PDK1: variants seen among roughly 807,000 people sequenced by gnomAD.
The protein encoded by PDK1 is pyruvate dehydrogenase kinase 1.
In PDK1, 39 loss-of-function variants were observed where a neutral mutation model predicts 54.2. The observed-to-expected ratio is 0.72, with a 90% CI of 0.56 to 0.94. The LOEUF (loss-of-function observed/expected upper bound fraction) is 0.94, where lower values mean the gene tolerates loss of function less well. Among genes scored for constraint, PDK1 ranks in the 40% least tolerant of loss-of-function variants. The pLI, the probability that PDK1 is intolerant of heterozygous loss-of-function variation, is 0.00. For missense variants in PDK1, 552 were observed against 566.0 expected (o/e 0.98, Z 0.25); for synonymous variants, 221 against 207.1 (o/e 1.07, Z -0.58).
chr2:172,609,008 A>G (rs1691383539), downstream of PDK1, among the ~76,000 whole-genome samples: 1 of 152,218 alleles, frequency 6.6e-6, no homozygotes, highest in Admixed American at 6.5e-5. Flanking sequence ...AATGAAGATA[A>G]ACTTACTACA....
intron 3 of PDK1, chr2:172,564,033 T>A (rs1213832674): frequency 1.1e-5 from 5 of 471,304 alleles, no homozygotes; most frequent in East Asian, 6.9e-5. Flanking sequence ...AAGTGTTTCC[T>A]TCTCTCTTTG....
chr2:172,587,082 G>A (rs559159168), intron 9 of PDK1, among the ~76,000 whole-genome samples: 110 of 152,308 alleles, frequency 7.2e-4, no homozygotes, highest in African/African-American at 2.5e-3. Context: ...TATAGTACAA[G>A]ATAGATCTAT....
chr2:172,604,042 T>A lies in PDK1; in HGVS notation c.*8073T>A, dbSNP rs915979625. 64 of 152,210 alleles carry A rather than the reference T, an allele frequency of 4.2e-4. No individual in the cohort carries two copies. The highest frequency in any genetic ancestry group is 1.5e-3 in the African/African-American group (64 of 41,446). The allele number at this position is 152,210 out of a possible 1,614,324, so 9.4% of individuals were successfully genotyped here. A position where few individuals can be genotyped will look rare whatever the true frequency, so the allele number is the denominator to read the frequency against. On this transcript the variant is annotated 3_prime_UTR_variant, in exon 11 of 11. Coordinates refer to ENST00000282077, the MANE Select transcript of PDK1 (RefSeq NM_002610.5). ...TTTCTAGACCAATTTGAGGAGAATT[T>A]AACAATAGCTTTTCAATTTATGAAC...
the PDK1 span, among the ~76,000 whole-genome samples, chr2:172,667,378 T>TTGCCTGG: frequency 6.6e-6 from 1 of 152,192 alleles, no homozygotes; most frequent in Non-Finnish European, 1.5e-5. Flanking sequence ...CTGTCCCTAG[T>TTGCCTGG]TGCCTGGTAC....
At chr2:172,633,387 T>TTTTTTTTTTTTTTTTTTTTTC in the PDK1 span, among the ~76,000 whole-genome samples, 1 of 12,984 alleles carries the variant, frequency 7.7e-5, no homozygotes, top group African/African-American at 1.6e-4. Flanking sequence ...CTTTCTTTTT[T>TTTTTTTTTTTTTTTTTTTTTC]TTTTTTTTTT....
the PDK1 span, among the ~76,000 whole-genome samples, chr2:172,701,228 T>C: frequency 2.0e-5 from 3 of 152,192 alleles, no homozygotes; most frequent in Admixed American, 2.0e-4. Context: ...TGCTCTGTTA[T>C]TGTTGTTTCT....
At chr2:172,639,064 C>G in the PDK1 span, among the ~76,000 whole-genome samples, 1 of 152,224 alleles carries the variant, frequency 6.6e-6, no homozygotes, top group Non-Finnish European at 1.5e-5. Flanking sequence ...CAAGGTCTCA[C>G]TATGCCGTGC....
At chr2:172,649,569 A>G in the PDK1 span, among the ~76,000 whole-genome samples, 1 of 152,180 alleles carries the variant, frequency 6.6e-6, no homozygotes, top group African/African-American at 2.4e-5. Flanking sequence ...AACCCATCAC[A>G]AAGAAGCTAA....
In PDK1 at chr2:172,562,213, AT is replaced by A; in HGVS notation, c.339-3del. On this transcript the variant is annotated splice_region_variant and splice_polypyrimidine_tract_variant and intron_variant, in intron 2 of 10. Coordinates refer to ENST00000282077, the MANE Select transcript of PDK1 (RefSeq NM_002610.5). ...GAACAAACTTATCCTATTGATCTGC[AT>A]TTTAGGTATATCCAGAGTCTTCAGG... The A allele has an allele frequency of 1.3e-6, 2 of 1,511,612 alleles. No homozygotes were observed. The highest frequency in any genetic ancestry group is 1.8e-6 in the Non-Finnish European group (2 of 1,089,670). 93.6% of individuals were successfully genotyped at this position (1,511,612 alleles called of 1,614,324 possible). A position where few individuals can be genotyped will look rare whatever the true frequency, so the allele number is the denominator to read the frequency against.
At chr2:172,651,506 C>T in the PDK1 span, among the ~76,000 whole-genome samples, 1 of 152,184 alleles carries the variant, frequency 6.6e-6, no homozygotes, top group East Asian at 1.9e-4. Flanking sequence ...ACCCAAAAAA[C>T]CCTTCAAAAA....
chr2:172,646,163 A>G, the PDK1 span, among the ~76,000 whole-genome samples: 8 of 152,360 alleles, frequency 5.3e-5, no homozygotes, highest in Admixed American at 5.2e-4. Context: ...AGATTAAGAC[A>G]CAACAGAAAA....
At chr2:172,648,388 A>G in the PDK1 span, among the ~76,000 whole-genome samples, 2 of 152,206 alleles carry the variant, frequency 1.3e-5, no homozygotes, top group Non-Finnish European at 1.5e-5. Flanking sequence ...AGGTTCCAAG[A>G]TGGCCGAATA....
chr2:172,637,821 G>A, the PDK1 span, among the ~76,000 whole-genome samples: 3 of 151,926 alleles, frequency 2.0e-5, no homozygotes, highest in Non-Finnish European at 2.9e-5. Context: ...TCAGCCTCCC[G>A]AGCAGCTGGG....
At chr2:172,652,773 G>T in the PDK1 span, among the ~76,000 whole-genome samples, 5 of 152,124 alleles carry the variant, frequency 3.3e-5, no homozygotes, top group Non-Finnish European at 5.9e-5. Flanking sequence ...GGGATGTGAA[G>T]GACCTCTTCA....
chr2:172,632,291 AC>A, the PDK1 span, among the ~76,000 whole-genome samples: 1 of 151,720 alleles, frequency 6.6e-6, no homozygotes, highest in Non-Finnish European at 1.5e-5. Flanking sequence ...AAAAAAAAAA[AC>A]CTTCCCTTGG....
the PDK1 span, among the ~76,000 whole-genome samples, chr2:172,654,851 G>A: frequency 6.6e-6 from 1 of 152,122 alleles, no homozygotes; most frequent in Non-Finnish European, 1.5e-5. Context: ...CCTGGCTAGG[G>A]ATAAGCTGTA....
At chr2:172,689,417 A>G in the PDK1 span, among the ~76,000 whole-genome samples, 1 of 152,242 alleles carries the variant, frequency 6.6e-6, no homozygotes. Flanking sequence ...GAAAATGGCC[A>G]TATTGCCCAA....
At chr2:172,635,738 C>T in the PDK1 span, among the ~76,000 whole-genome samples, 1 of 152,218 alleles carries the variant, frequency 6.6e-6, no homozygotes, top group Non-Finnish European at 1.5e-5. Flanking sequence ...GAACAAATGA[C>T]TTGGGAGTAT....
the PDK1 span, among the ~76,000 whole-genome samples, chr2:172,634,262 A>ATATTATTATTATTAT: frequency 5.1e-3 from 713 of 139,468 alleles, 8 homozygotes; most frequent in East Asian, 8.9e-3. Context: ...AAATCTATTT[A>ATATTATTATTATTAT]TATTATTATT....
Sources: allele counts gnomAD v4.1 joint callset (sites outside exome capture counted in the v4.1 genomes callset), GRCh38; gene constraint gnomAD v4.1.1; transcripts MANE v1.5; gene names NCBI Gene and HGNC (gene_info 2026-07-23, HGNC 2026-07-21).